LARGE1: variants seen among roughly 807,000 people sequenced by gnomAD.
LARGE1 encodes the protein xylosyl- and glucuronyltransferase LARGE1.
Under a neutral mutation model 87.6 loss-of-function variants are expected in LARGE1, and 43 were observed. The observed-to-expected ratio is 0.49, with a 90% CI of 0.38 to 0.63. LARGE1 has a LOEUF of 0.63. LARGE1 is among the 30% of genes least tolerant of loss of function. The probability of loss-of-function intolerance (pLI) is 0.00; values close to 1 mark genes in which losing one functional copy is unlikely to be tolerated. For missense variants in LARGE1, 802 were observed against 1,000.2 expected, an observed-to-expected ratio of 0.80 and a Z score of 2.67; for synonymous variants, 434 against 394.6, an observed-to-expected ratio of 1.10 and a Z score of -1.18.
At chr22:33,399,483 T>A (rs184909439) in intron 7 of LARGE1, among the ~76,000 whole-genome samples, 40 of 152,348 alleles carry the variant, frequency 2.6e-4, no homozygotes, top group African/African-American at 9.6e-4. Flanking sequence ...TGATTTGTAA[T>A]CCTTTGGGTA....
At chr22:33,388,468 T>C (rs78269133) in intron 7 of LARGE1, among the ~76,000 whole-genome samples, 13,268 of 152,308 alleles carry the variant, frequency 0.087, 714 homozygotes, top group Admixed American at 0.19. Context: ...TATTCATTCA[T>C]TCAACAGTTA....
chr22:33,103,093 T>C, the LARGE1 span, among the ~76,000 whole-genome samples: 1 of 151,972 alleles, frequency 6.6e-6, no homozygotes, highest in Non-Finnish European at 1.5e-5. Context: ...ATGATGGATA[T>C]TATTCCCGTG....
At chr22:33,266,946 A>G (rs1927982026) in intron 11 of LARGE1, among the ~76,000 whole-genome samples, 1 of 151,664 alleles carries the variant, frequency 6.6e-6, no homozygotes, top group Non-Finnish European at 1.5e-5. Context: ...CTAGTAAATA[A>G]TATCTTCTCA....
chr22:33,559,074 T>C (rs2077777962), intron 6 of LARGE1, among the ~76,000 whole-genome samples: 1 of 152,220 alleles, frequency 6.6e-6, no homozygotes. Context: ...TGACACCGGG[T>C]AATTTATAAG....
At chr22:33,267,512 T>C (rs1203321216), downstream of LARGE1, among the ~76,000 whole-genome samples, 1 of 151,614 alleles carries the variant, frequency 6.6e-6, no homozygotes, top group Non-Finnish European at 1.5e-5. Context: ...AAGCTCAGAA[T>C]TGCCTTTCGC....
At chr22:33,447,360 C>T (rs951128659) in intron 6 of LARGE1, among the ~76,000 whole-genome samples, 3 of 152,126 alleles carry the variant, frequency 2.0e-5, no homozygotes, top group Non-Finnish European at 2.9e-5. Context: ...GCTGGAGACA[C>T]AAATCATGGT....
chr22:33,897,156 G>A (rs1161246611), intron 1 of LARGE1, among the ~76,000 whole-genome samples: 1 of 152,146 alleles, frequency 6.6e-6, no homozygotes, highest in Non-Finnish European at 1.5e-5. Flanking sequence ...GGAAGAAGCT[G>A]AAATGAAAGC....
intron 6 of LARGE1, among the ~76,000 whole-genome samples, chr22:33,476,724 A>AG (rs3216420): frequency 0.28 from 41,777 of 151,118 alleles, 6,636 homozygotes; most frequent in African/African-American, 0.44. Flanking sequence ...AAAGAATACT[A>AG]GGTATTAACT....
intron 6 of LARGE1, among the ~76,000 whole-genome samples, chr22:33,446,002 C>A (rs1319663975): frequency 6.6e-6 from 1 of 152,166 alleles, no homozygotes; most frequent in Admixed American, 6.5e-5. Flanking sequence ...TAGGGGCTGG[C>A]TGACAGAAGT....
the LARGE1 span, among the ~76,000 whole-genome samples, chr22:33,083,980 C>T: frequency 6.6e-6 from 1 of 152,188 alleles, no homozygotes; most frequent in African/African-American, 2.4e-5. Context: ...GCCTCTTCAG[C>T]CTGATCTCCA....
At chr22:33,590,475 A>G (rs2078804167) in intron 5 of LARGE1, among the ~76,000 whole-genome samples, 1 of 152,226 alleles carries the variant, frequency 6.6e-6, no homozygotes, top group Admixed American at 6.5e-5. Flanking sequence ...AATTTAATAA[A>G]TGTATACAGT....
chr22:33,551,987 C>A (rs1194315487), intron 6 of LARGE1, among the ~76,000 whole-genome samples: 2 of 110,466 alleles, frequency 1.8e-5, no homozygotes, highest in Non-Finnish European at 3.6e-5. Context: ...GAGCAAGGCT[C>A]CGTCTCAAAA....
At chr22:33,864,722 T>C (rs923081870) in intron 1 of LARGE1, among the ~76,000 whole-genome samples, 2 of 152,254 alleles carry the variant, frequency 1.3e-5, no homozygotes, top group South Asian at 4.1e-4. Context: ...AGAAGACATA[T>C]AGATTTAAGT....
At chr22:33,370,436 G>A (rs1275065973) in intron 9 of LARGE1, among the ~76,000 whole-genome samples, 1 of 152,074 alleles carries the variant, frequency 6.6e-6, no homozygotes, top group Non-Finnish European at 1.5e-5. Context: ...GGTAAAAGAG[G>A]TTTTTTAAAA....
the LARGE1 span, among the ~76,000 whole-genome samples, chr22:33,073,361 C>T: frequency 1.3e-5 from 2 of 152,188 alleles, no homozygotes; most frequent in Non-Finnish European, 2.9e-5. Context: ...TTATTGAACC[C>T]TGGACCAGCC....
chr22:33,852,630 T>C (rs753940238), intron 1 of LARGE1, among the ~76,000 whole-genome samples: 2 of 152,032 alleles, frequency 1.3e-5, no homozygotes, highest in African/African-American at 2.4e-5. Context: ...GCAGATTGCC[T>C]GAACTCAGGA....
At chr22:33,619,584 AAAG>A (rs1179184630) in intron 4 of LARGE1, among the ~76,000 whole-genome samples, 1 of 151,892 alleles carries the variant, frequency 6.6e-6, no homozygotes, top group Non-Finnish European at 1.5e-5. Flanking sequence ...AAAAAAGAAA[AAAG>A]AAGCATGATA....
intron 1 of LARGE1, among the ~76,000 whole-genome samples, chr22:33,841,098 C>CT (rs2063269155): frequency 6.6e-6 from 1 of 152,166 alleles, no homozygotes; most frequent in Admixed American, 6.5e-5. Context: ...TTAAGGCAGG[C>CT]TAAGCTAAAC....
downstream of LARGE1, among the ~76,000 whole-genome samples, chr22:33,268,731 T>A (rs1928091410): frequency 6.6e-6 from 1 of 152,144 alleles, no homozygotes; most frequent in Non-Finnish European, 1.5e-5. Flanking sequence ...CCGGCCTAGT[T>A]GTTATAAAAC....
Sources: gnomAD v4.1 joint callset for allele counts (sites outside exome capture counted in the v4.1 genomes callset) on GRCh38, gnomAD v4.1.1 for gene constraint, MANE v1.5 for transcripts, NCBI Gene and HGNC (gene_info 2026-07-23, HGNC 2026-07-21) for gene names.